ZMAT4: variants seen among roughly 807,000 people sequenced by gnomAD.
The protein encoded by ZMAT4 is zinc finger matrin-type 4, also known as zinc finger matrin-type protein 4.
Under a neutral mutation model 28.7 loss-of-function variants are expected in ZMAT4, and 17 were observed. That is an observed-to-expected ratio of 0.59 (90% CI 0.41 to 0.89). The LOEUF (loss-of-function observed/expected upper bound fraction) is 0.89. Ranked by LOEUF, ZMAT4 falls within the 40% of genes least tolerant of loss-of-function variation. ZMAT4 has a pLI of 0.00. For missense variants in ZMAT4, 240 were observed against 283.8 expected, an observed-to-expected ratio of 0.85 and a Z score of 1.11; for synonymous variants, 117 against 109.2, an observed-to-expected ratio of 1.07 and a Z score of -0.44.
intron 5 of ZMAT4, among the ~76,000 whole-genome samples, chr8:40,602,866 T>C (rs905760936): frequency 5.9e-5 from 9 of 152,214 alleles, no homozygotes; most frequent in African/African-American, 1.9e-4. Flanking sequence ...GGGTTGTCTG[T>C]TTACTCTGCT....
intron 2 of ZMAT4, among the ~76,000 whole-genome samples, chr8:40,801,655 A>G (rs1814855528): frequency 6.6e-6 from 1 of 151,942 alleles, no homozygotes; most frequent in South Asian, 2.1e-4. Context: ...GGGCAACAAG[A>G]GCGAAACTCT....
chr8:40,849,017 G>A (rs1220254364), intron 1 of ZMAT4, among the ~76,000 whole-genome samples: 1 of 152,240 alleles, frequency 6.6e-6, no homozygotes, highest in African/African-American at 2.4e-5. Context: ...CAGATGGCGA[G>A]CCATGCGGGA....
chr8:40,585,063 C>T (rs969668048), intron 5 of ZMAT4, among the ~76,000 whole-genome samples: 2 of 152,066 alleles, frequency 1.3e-5, no homozygotes, highest in Non-Finnish European at 2.9e-5. Context: ...TTATTATGGC[C>T]CAGTGAGCAT....
At chr8:40,740,615 G>A (rs1171033338) in intron 3 of ZMAT4, among the ~76,000 whole-genome samples, 1 of 152,136 alleles carries the variant, frequency 6.6e-6, no homozygotes, top group Admixed American at 6.5e-5. Context: ...ATTACTGTTA[G>A]TTGTTACTCA....
intron 1 of ZMAT4, among the ~76,000 whole-genome samples, chr8:40,860,635 G>C (rs1424542966): frequency 6.6e-6 from 1 of 152,190 alleles, no homozygotes; most frequent in African/African-American, 2.4e-5. Flanking sequence ...TCAGTCTATG[G>C]AGAATTTTGG....
intron 6 of ZMAT4, among the ~76,000 whole-genome samples, chr8:40,554,057 C>T (rs1803447944): frequency 6.6e-6 from 1 of 152,058 alleles, no homozygotes; most frequent in African/African-American, 2.4e-5. Context: ...CATGTCATAT[C>T]ATATCATATC....
At chr8:40,662,876 A>G (rs1808260699) in intron 5 of ZMAT4, among the ~76,000 whole-genome samples, 2 of 152,148 alleles carry the variant, frequency 1.3e-5, no homozygotes, top group African/African-American at 4.8e-5. Context: ...ATAGTGCACC[A>G]AGAAATATAT....
Position 40,836,221 on chromosome 8 carries a change from T to C in ZMAT4, c.-4-10541A>G, listed in dbSNP as rs527360030. On this transcript the variant is annotated intron_variant, in intron 1 of 6. Transcript: ENST00000297737. ...GAAATTAACCATAGAAAGGTTATTG[T>C]ATGTGTATTAGGATCATCAACAAAC... is the stretch of plus-strand genomic sequence containing the variant. 4.6e-5 allele frequency among the ~76,000 whole-genome samples: 7 copies of C among 152,366 alleles called. No homozygotes were observed. The East Asian group carries it at 1.3e-3, about 29-fold the overall frequency.
chr8:40,586,059 C>T (rs971692783), intron 5 of ZMAT4, among the ~76,000 whole-genome samples: 5 of 152,068 alleles, frequency 3.3e-5, no homozygotes, highest in African/African-American at 7.2e-5. Flanking sequence ...CACTTTATTG[C>T]GATGCAAACT....
chr8:40,732,693 C>T (rs982484033), intron 3 of ZMAT4, among the ~76,000 whole-genome samples: 16 of 152,124 alleles, frequency 1.1e-4, no homozygotes, highest in African/African-American at 3.9e-4. Context: ...TGGTGTCCAA[C>T]GTTATGGGGT....
At chr8:40,752,385 C>T (rs1197425906) in intron 3 of ZMAT4, among the ~76,000 whole-genome samples, 1 of 152,208 alleles carries the variant, frequency 6.6e-6, no homozygotes, top group East Asian at 1.9e-4. Flanking sequence ...GCTCTGAGAA[C>T]AAGAGTTTGC....
intron 1 of ZMAT4, among the ~76,000 whole-genome samples, chr8:40,860,776 G>A (rs546599007): frequency 1.3e-5 from 2 of 152,328 alleles, no homozygotes; most frequent in East Asian, 3.9e-4. Flanking sequence ...AGCAAGCATG[G>A]CTCTGCCTGG....
chr8:40,543,231 C>G (rs1402263095), intron 6 of ZMAT4, among the ~76,000 whole-genome samples: 12 of 152,118 alleles, frequency 7.9e-5, no homozygotes. Flanking sequence ...CAAACTGTAA[C>G]TTATAAACGT....
chr8:40,619,050 G>T (rs537413612), intron 5 of ZMAT4, among the ~76,000 whole-genome samples: 2 of 152,310 alleles, frequency 1.3e-5, no homozygotes, highest in African/African-American at 4.8e-5. Flanking sequence ...AGAGGTGAGG[G>T]AGTGGGTCAG....
intron 6 of ZMAT4, among the ~76,000 whole-genome samples, chr8:40,544,731 T>C (rs1803146339): frequency 6.6e-6 from 1 of 152,168 alleles, no homozygotes; most frequent in South Asian, 2.1e-4. Flanking sequence ...AAAAGGTTAG[T>C]AGACCCCAGG....
At chr8:40,827,540 G>A (rs912533664) in intron 1 of ZMAT4, among the ~76,000 whole-genome samples, 12 of 152,140 alleles carry the variant, frequency 7.9e-5, no homozygotes, top group Non-Finnish European at 1.3e-4. Flanking sequence ...CCAATCTCAC[G>A]TTCTGTCCTT....
chr8:40,844,719 T>C (rs1474342440), intron 1 of ZMAT4, among the ~76,000 whole-genome samples: 4 of 151,242 alleles, frequency 2.6e-5, no homozygotes, highest in Non-Finnish European at 5.9e-5. Flanking sequence ...TGGAGATCCC[T>C]GGCTAATACA....
chr8:40,658,649 C>T (rs1808044295), intron 5 of ZMAT4, among the ~76,000 whole-genome samples: 1 of 151,910 alleles, frequency 6.6e-6, no homozygotes, highest in Non-Finnish European at 1.5e-5. Context: ...CACACACACA[C>T]ACACACACAC....
At chr8:40,564,165 A>G (rs1362167397) in intron 6 of ZMAT4, among the ~76,000 whole-genome samples, 1 of 152,216 alleles carries the variant, frequency 6.6e-6, no homozygotes, top group Non-Finnish European at 1.5e-5. Flanking sequence ...CTTTATGAAC[A>G]CTAAGCTGGA....
Sources: allele counts gnomAD v4.1 joint callset (sites outside exome capture counted in the v4.1 genomes callset), GRCh38; gene constraint gnomAD v4.1.1; transcripts MANE v1.5; gene names NCBI Gene and HGNC (gene_info 2026-07-23, HGNC 2026-07-21).